Variants in SPIN1 observed in about 807,000 individuals in gnomAD.
SPIN1 encodes spindlin-1.
A neutral mutation model predicts 26.0 loss-of-function variants in SPIN1; 3 were observed. The ratio of observed to expected loss-of-function variants is 0.12; its 90% confidence interval spans 0.05 to 0.30. SPIN1 has a LOEUF of 0.30. Ranked by LOEUF, SPIN1 falls within the 10% of genes least tolerant of loss-of-function variation. SPIN1 has a pLI of 1.00. For synonymous variants in SPIN1, 101 were observed against 116.5 expected (o/e 0.87, Z 0.86); for missense variants, 126 against 333.4 (o/e 0.38, Z 4.84).
intron 1 of SPIN1, among the ~76,000 whole-genome samples, chr9:88,409,043 T>A (rs1163922938): frequency 6.6e-6 from 1 of 150,568 alleles, no homozygotes; most frequent in Non-Finnish European, 1.5e-5. Context: ...TTGCCCAGGC[T>A]GGAGTGCAAT....
At chr9:88,471,985 G>A (rs1269550262) in intron 5 of SPIN1, among the ~76,000 whole-genome samples, 1 of 152,114 alleles carries the variant, frequency 6.6e-6, no homozygotes, top group African/African-American at 2.4e-5. Context: ...TTTTAGTAGA[G>A]ATGGGGTTTT....
At position 88,468,362 on chromosome 9, in the gene SPIN1, T is replaced by TA; in HGVS notation, c.356-8dup. 6.8e-7 allele frequency: 1 copy of TA among 1,466,740 alleles called. No individual in the cohort carries two copies. Among genetic ancestry groups the TA allele is most frequent in the Non-Finnish European group, 9.1e-7 (1 of 1,098,082 alleles). The allele number at this position is 1,466,740 out of a possible 1,614,324, so 90.9% of individuals were successfully genotyped here. On this transcript the variant is annotated splice_polypyrimidine_tract_variant and intron_variant, in intron 4 of 5. Transcript: ENST00000375859. ...TTTGTCAACTTTTTTTTTTTTTTTT[T>TA]AATCCCCAGCGACATCTCGAATCAG...
chr9:88,432,284 G>T (rs1265771274), intron 2 of SPIN1, among the ~76,000 whole-genome samples: 10 of 142,916 alleles, frequency 7.0e-5, no homozygotes, highest in African/African-American at 2.6e-4. Flanking sequence ...CCACCTCCCG[G>T]GCTCAAGCAA....
intron 5 of SPIN1, among the ~76,000 whole-genome samples, chr9:88,472,288 T>C (rs1828804018): frequency 6.6e-6 from 1 of 152,190 alleles, no homozygotes; most frequent in Admixed American, 6.5e-5. Flanking sequence ...AGTCTTCTAA[T>C]CCATGGCTTG....
intron 1 of SPIN1, among the ~76,000 whole-genome samples, chr9:88,395,709 A>G (rs768200939): frequency 2.0e-5 from 3 of 151,952 alleles, no homozygotes; most frequent in Non-Finnish European, 4.4e-5. Flanking sequence ...GGGCTTCCCA[A>G]AAAACTTGGG....
rs185419590 is a variant in SPIN1 at position 88,427,309 on chromosome 9, A to G, written c.52+718A>G. Among the ~76,000 whole-genome samples, 328 of 152,258 alleles carry G rather than the reference A, an allele frequency of 2.2e-3. 1 individual carries two copies. The highest frequency in any genetic ancestry group is 7.7e-3 in the African/African-American group (321 of 41,548). On this transcript the variant is annotated intron_variant, in intron 2 of 5. Transcript: ENST00000375859. ...TAAGTGATTTAGAACAATTTCTTCT[A>G]TTTATTTACTGTAGTATTTGGAGTT...
At chr9:88,444,398 GC>G (rs1454101744) in intron 2 of SPIN1, among the ~76,000 whole-genome samples, 1 of 151,528 alleles carries the variant, frequency 6.6e-6, no homozygotes, top group Non-Finnish European at 1.5e-5. Context: ...CTGCCACTAT[GC>G]CCGGCTAATT....
intron 2 of SPIN1, among the ~76,000 whole-genome samples, chr9:88,440,906 C>T (rs990677313): frequency 1.3e-5 from 2 of 151,490 alleles, no homozygotes; most frequent in Non-Finnish European, 2.9e-5. Flanking sequence ...CCCTCCCTTC[C>T]CCTCCCCTTT....
intron 3 of SPIN1, among the ~76,000 whole-genome samples, chr9:88,460,780 ATCT>A (rs1316231258): frequency 6.6e-6 from 1 of 152,216 alleles, no homozygotes; most frequent in African/African-American, 2.4e-5. Flanking sequence ...TGGTGATGGC[ATCT>A]TCTTTGTTCA....
chr9:88,420,813 A>G (rs1427263540), intron 1 of SPIN1, among the ~76,000 whole-genome samples: 2 of 152,230 alleles, frequency 1.3e-5, no homozygotes, highest in African/African-American at 4.8e-5. Flanking sequence ...GCTGCCTGTC[A>G]TGTGACTCAG....
intron 3 of SPIN1, among the ~76,000 whole-genome samples, chr9:88,450,521 G>T (rs991347517): frequency 1.3e-5 from 2 of 152,152 alleles, no homozygotes; most frequent in African/African-American, 2.4e-5. Context: ...GATTCCATCT[G>T]CCTCATCCTA....
chr9:88,419,202 A>C (rs183001846), intron 1 of SPIN1, among the ~76,000 whole-genome samples: 1 of 151,944 alleles, frequency 6.6e-6, no homozygotes, highest in African/African-American at 2.4e-5. Flanking sequence ...TACGTGCTCC[A>C]CCCTGGCTCA....
intron 3 of SPIN1, among the ~76,000 whole-genome samples, chr9:88,453,305 A>T (rs1007130801): frequency 6.6e-6 from 1 of 152,162 alleles, no homozygotes; most frequent in Non-Finnish European, 1.5e-5. Flanking sequence ...GGGAACAGGA[A>T]CACATAGTGT....
intron 5 of SPIN1, among the ~76,000 whole-genome samples, chr9:88,471,675 A>AAG (rs1554698461): frequency 6.6e-6 from 1 of 151,274 alleles, no homozygotes; most frequent in Non-Finnish European, 1.5e-5. Flanking sequence ...AAAAAAAAAA[A>AAG]AAAAGAAAAT....
intron 3 of SPIN1, among the ~76,000 whole-genome samples, chr9:88,454,875 T>G (rs555687552): frequency 6.8e-4 from 103 of 152,346 alleles, no homozygotes; most frequent in African/African-American, 2.4e-3. Flanking sequence ...GACTCATGAT[T>G]TTAACAATTA....
At chr9:88,390,573 C>T (rs1181305693) in intron 1 of SPIN1, among the ~76,000 whole-genome samples, 1 of 152,132 alleles carries the variant, frequency 6.6e-6, no homozygotes, top group African/African-American at 2.4e-5. Flanking sequence ...GCTGAGATAG[C>T]ATTTAAATGT....
At chr9:88,400,191 C>T (rs1162763236) in intron 1 of SPIN1, among the ~76,000 whole-genome samples, 1 of 152,104 alleles carries the variant, frequency 6.6e-6, no homozygotes, top group Non-Finnish European at 1.5e-5. Context: ...TGTGGCTGGA[C>T]TGTAGTTGCA....
At chr9:88,421,950 T>A (rs148415402) in intron 1 of SPIN1, among the ~76,000 whole-genome samples, 93 of 152,296 alleles carry the variant, frequency 6.1e-4, no homozygotes, top group African/African-American at 2.0e-3. Context: ...TGATATAGTC[T>A]GCTTTGCGTC....
At chr9:88,419,290 C>G (rs923922468) in intron 1 of SPIN1, among the ~76,000 whole-genome samples, 16 of 152,110 alleles carry the variant, frequency 1.1e-4, no homozygotes, top group African/African-American at 3.9e-4. Context: ...AACCATTTTT[C>G]CTGACAAACC....
Sources: allele counts gnomAD v4.1 joint callset (sites outside exome capture counted in the v4.1 genomes callset), GRCh38; gene constraint gnomAD v4.1.1; transcripts MANE v1.5; gene names NCBI Gene and HGNC (gene_info 2026-07-23, HGNC 2026-07-21).